FBXW4: variants seen among roughly 807,000 people sequenced by gnomAD.
The protein encoded by FBXW4 is F-box and WD repeat domain containing 4.
Under a neutral mutation model 61.8 loss-of-function variants are expected in FBXW4, and 40 were observed. That is an observed-to-expected ratio of 0.65 (90% confidence interval 0.50 to 0.84). The LOEUF (loss-of-function observed/expected upper bound fraction) is 0.84, where lower values mean the gene tolerates loss of function less well. Among genes scored for constraint, FBXW4 ranks in the 40% least tolerant of loss-of-function variants. The pLI, the probability that FBXW4 is intolerant of heterozygous loss-of-function variation, is 0.00. For missense variants in FBXW4, 672 were observed against 753.8 expected, an observed-to-expected ratio of 0.89 and a Z score of 1.27; for synonymous variants, 311 against 313.8, an observed-to-expected ratio of 0.99 and a Z score of 0.10.
At chr10:101,666,431 T>C (rs751358219) in intron 5 of FBXW4, among the ~76,000 whole-genome samples, 32 of 151,674 alleles carry the variant, frequency 2.1e-4, no homozygotes, top group South Asian at 1.5e-3. Flanking sequence ...AGAAAAAAAA[T>C]TGAAAGGGAG....
chr10:101,667,867 C>A lies in FBXW4; in HGVS notation c.1235+19G>T, dbSNP rs758190393. 3.1e-6 allele frequency: 5 copies of A among 1,601,652 alleles called. No homozygotes were observed. In the South Asian group the frequency reaches 4.4e-5, roughly 14 times the overall value. ...ATTATTATACAGGACAAAACCACAT[C>A]CAAATATGTCTCCCTTACCTGAGTA... On this transcript the variant is annotated intron_variant, in intron 5 of 8. Transcript: ENST00000331272.
intron 6 of FBXW4, among the ~76,000 whole-genome samples, chr10:101,613,648 AC>A (rs1018075416): frequency 6.6e-6 from 1 of 152,120 alleles, no homozygotes; most frequent in African/African-American, 2.4e-5. Flanking sequence ...TCGTCCTTCC[AC>A]CTCACTGAGA....
At chr10:101,632,635 A>C (rs1488553328) in intron 5 of FBXW4, among the ~76,000 whole-genome samples, 1 of 152,238 alleles carries the variant, frequency 6.6e-6, no homozygotes, top group Admixed American at 6.5e-5. Flanking sequence ...CTCTCAGTAC[A>C]GTGGAATAAC....
At chr10:101,651,762 A>G (rs2064147795) in intron 5 of FBXW4, among the ~76,000 whole-genome samples, 1 of 151,864 alleles carries the variant, frequency 6.6e-6, no homozygotes, top group South Asian at 2.1e-4. Context: ...AGGGGCCTTT[A>G]TGAGACCCCA....
chr10:101,641,636 A>AAAAAAC (rs1554928790), intron 5 of FBXW4, among the ~76,000 whole-genome samples: 195 of 150,654 alleles, frequency 1.3e-3, no homozygotes, highest in Non-Finnish European at 2.0e-3. Context: ...TTTCTCAAAA[A>AAAAAAC]AAAACAAAAC....
intron 5 of FBXW4, among the ~76,000 whole-genome samples, chr10:101,627,135 C>G (rs2063913718): frequency 6.6e-6 from 1 of 151,570 alleles, no homozygotes; most frequent in African/African-American, 2.4e-5. Flanking sequence ...GTTGATCCAC[C>G]TGCCTCAGCC....
At chr10:101,657,571 T>C (rs2064198692) in intron 5 of FBXW4, among the ~76,000 whole-genome samples, 1 of 147,402 alleles carries the variant, frequency 6.8e-6, no homozygotes, top group Non-Finnish European at 1.5e-5. Context: ...GAGGTGGAAG[T>C]TGCAGTGAGC....
chr10:101,664,364 C>G (rs567493059), intron 5 of FBXW4, among the ~76,000 whole-genome samples: 1 of 152,302 alleles, frequency 6.6e-6, no homozygotes, highest in East Asian at 1.9e-4. Flanking sequence ...TGTCCAGGTT[C>G]CTCCTAACTG....
Position 101,694,568 on chromosome 10 carries a change from C to T in FBXW4, c.538G>A (p.Gly180Arg). Residue 180 changes from glycine (G) to arginine (R), a missense_variant, in exon 1 of 9, where the codon GGG becomes AGG. By Grantham distance (125) the Gly-to-Arg change is moderately radical (BLOSUM62 -2). Coordinates refer to ENST00000331272, the MANE Select transcript of FBXW4 (RefSeq NM_022039.4). This position sits in a 1 kb window ranked among gnomAD's most constrained non-coding sequence, Gnocchi z 6.0. Reference protein sequence around the residue: ...ARESAARPAAGPALWRLPEEL... With the variant: ...ARESAARPAARPALWRLPEEL... ...TCCGGCAGGCGCCAGAGCGCAGGCC[C>T]CGCGGCCGGGCGGGCAGCCGACTCC... The T allele has an allele frequency of 6.8e-7, 1 of 1,474,286 alleles. No homozygotes were observed. Among genetic ancestry groups the T allele is most frequent in the Non-Finnish European group, 8.9e-7 (1 of 1,121,842 alleles). The allele number at this position is 1,474,286 out of a possible 1,614,324, so 91.3% of individuals were successfully genotyped here.
At chr10:101,681,797 T>A (rs1467775290) in intron 1 of FBXW4, among the ~76,000 whole-genome samples, 1 of 151,154 alleles carries the variant, frequency 6.6e-6, no homozygotes, top group East Asian at 1.9e-4. Flanking sequence ...CTTTATTAAG[T>A]GATCAATTGT....
intron 1 of FBXW4, among the ~76,000 whole-genome samples, chr10:101,678,726 C>T (rs1331288958): frequency 1.3e-5 from 2 of 152,154 alleles, no homozygotes; most frequent in Non-Finnish European, 2.9e-5. Flanking sequence ...CCGCGCCCGG[C>T]GAGATACACT....
chr10:101,682,921 A>C (rs574928255), intron 1 of FBXW4, among the ~76,000 whole-genome samples: 1 of 152,180 alleles, frequency 6.6e-6, no homozygotes, highest in African/African-American at 2.4e-5. Context: ...GCTTTTTCAT[A>C]TCTTTTGTCT....
intron 5 of FBXW4, among the ~76,000 whole-genome samples, chr10:101,637,197 C>A (rs1207226213): frequency 7.1e-6 from 1 of 141,246 alleles, no homozygotes; most frequent in African/African-American, 2.7e-5. Context: ...TCCTGGCTAA[C>A]ATGGTGAAAC....
intron 6 of FBXW4, among the ~76,000 whole-genome samples, chr10:101,619,584 G>A (rs571865240): frequency 5.4e-4 from 82 of 152,082 alleles, no homozygotes; most frequent in African/African-American, 1.8e-3. Flanking sequence ...GCGTGAACCC[G>A]GGAGGCGGAG....
intron 6 of FBXW4, chr10:101,622,770 G>C (rs1011814472): frequency 6.6e-6 from 1 of 151,356 alleles, no homozygotes; most frequent in African/African-American, 2.4e-5. Flanking sequence ...CAGATTGGGG[G>C]TAGATATTTG....
intron 5 of FBXW4, among the ~76,000 whole-genome samples, chr10:101,650,289 A>G (rs1276899337): frequency 6.6e-6 from 1 of 152,102 alleles, no homozygotes; most frequent in Admixed American, 6.5e-5. Flanking sequence ...TGAGATGAGC[A>G]TTTGTGATTT....
chr10:101,672,284 G>C (rs2064365193), intron 4 of FBXW4, among the ~76,000 whole-genome samples: 1 of 152,232 alleles, frequency 6.6e-6, no homozygotes, highest in Non-Finnish European at 1.5e-5. Context: ...AGACTTCTCT[G>C]CTCACAGGTG....
intron 4 of FBXW4, among the ~76,000 whole-genome samples, chr10:101,668,828 T>C (rs1013781694): frequency 2.0e-5 from 3 of 152,046 alleles, no homozygotes; most frequent in African/African-American, 4.8e-5. Flanking sequence ...CACAGGGACA[T>C]AAGCCCCTAA....
Position 101,611,838 on chromosome 10 carries a change from C to T in FBXW4, c.1443-69G>A. On this transcript the variant is annotated intron_variant, in intron 7 of 8. Transcript: ENST00000331272. The surrounding 1 kb of genome is among the most constrained non-coding windows in gnomAD (Gnocchi z 4.9). ...CCACCTCTACCCCAGCTTTCTTGGG[C>T]CTAGAGTGGCTGAGGGGAGCGTTAA... 4 of 1,542,744 alleles carry T rather than the reference C, an allele frequency of 2.6e-6. No individual in the cohort carries two copies. Among genetic ancestry groups the T allele is most frequent in the Non-Finnish European group, 3.5e-6 (4 of 1,140,592 alleles).
Sources: gnomAD v4.1 joint callset for allele counts (sites outside exome capture counted in the v4.1 genomes callset) on GRCh38, gnomAD v4.1.1 for gene constraint, Gnocchi (gnomAD v3.1) non-coding constraint, MANE v1.5 for transcripts, NCBI Gene and HGNC (gene_info 2026-07-23, HGNC 2026-07-21) for gene names.